The following LAMA1 variants were observed in gnomAD, a reference collection of about 807,000 sequenced individuals.
LAMA1 encodes laminin subunit alpha 1, also known as laminin subunit alpha-1.
A neutral mutation model predicts 348.7 loss-of-function variants in LAMA1; 219 were observed. The observed-to-expected ratio is 0.63, with a 90% CI of 0.56 to 0.70. The LOEUF is 0.70. Ranked by LOEUF, LAMA1 falls within the 30% of genes least tolerant of loss-of-function variation. The probability of loss-of-function intolerance (pLI) is 0.00; values close to 1 mark genes in which losing one functional copy is unlikely to be tolerated. For synonymous variants in LAMA1, 1,487 were observed against 1,491.0 expected, an observed-to-expected ratio of 1.00 and a Z score of 0.06; for missense variants, 3,744 against 3,888.0, an observed-to-expected ratio of 0.96 and a Z score of 0.99.
rs992449817 is a variant in LAMA1, at chr18:6,972,961, G to C, written c.6774+96C>G. 6 of 1,425,462 alleles carry C rather than the reference G, an allele frequency of 4.2e-6. No individual in the cohort carries two copies. The Admixed American group carries it at 1.0e-4, about 24-fold the overall frequency. 88.3% of individuals were successfully genotyped at this position (1,425,462 alleles called of 1,614,324 possible). A position where few individuals can be genotyped will look rare whatever the true frequency, so the allele number is the denominator to read the frequency against. ...CCACCTTGGCCTCCCAAAGTTCTGG[G>C]ATTACAGGCGTGAGCCACCACGCCC... On this transcript the variant is annotated intron_variant, in intron 47 of 62. Coordinates refer to ENST00000389658, the MANE Select transcript of LAMA1 (RefSeq NM_005559.4).
chr18:6,965,339 A>G lies in LAMA1; in HGVS notation c.7144T>C (p.Tyr2382His). 6.2e-7 allele frequency: 1 copy of G among 1,614,196 alleles called. No individual in the cohort carries two copies. Among genetic ancestry groups the G allele is most frequent in the South Asian group, 1.1e-5 (1 of 91,086 alleles). The change falls in exon 50 of 63, where the codon TAT (tyrosine) becomes CAT (histidine). Residue 2382 changes from tyrosine (Y) to histidine (H), a missense_variant. Tyr to His is a moderately conservative substitution (Grantham distance 83, BLOSUM62 2). This residue lies in a region of LAMA1 where 1,983 missense variants were observed against 1,934.3 expected (regional missense o/e 1.03). Coordinates refer to ENST00000389658, the MANE Select transcript of LAMA1 (RefSeq NM_005559.4). ...GPITLLTDRR[Y>H]NNGTWYKIAF... ...ATTTTGTACCAGGTTCCATTGTTAT[A>G]ACGTCTGTCTGTCAAAAGGGTAATG...
At chr18:6,986,534 T>C (rs2057736310) in intron 36 of LAMA1, among the ~76,000 whole-genome samples, 187 bp from the exon 37 acceptor site, 1 of 140,088 alleles carries the variant, frequency 7.1e-6, no homozygotes, top group South Asian at 2.4e-4. Flanking sequence ...CAGGTTTATA[T>C]TTTATCCTTA....
At chr18:6,976,998 G>C (rs997857613) in intron 44 of LAMA1, among the ~76,000 whole-genome samples, 2 of 152,202 alleles carry the variant, frequency 1.3e-5, no homozygotes, top group East Asian at 3.8e-4. Flanking sequence ...GGACACTTGA[G>C]GTTTTGGAAA....
At chr18:7,035,548 G>A (rs563939129) in intron 13 of LAMA1, among the ~76,000 whole-genome samples, 19 of 151,828 alleles carry the variant, frequency 1.3e-4, no homozygotes, top group Non-Finnish European at 2.2e-4. Context: ...TCACCCTCCC[G>A]AGTACCTGGG....
At chr18:7,006,010 G>A (rs1251014865) in intron 29 of LAMA1, among the ~76,000 whole-genome samples, 4 of 152,154 alleles carry the variant, frequency 2.6e-5, no homozygotes, top group Non-Finnish European at 4.4e-5. Flanking sequence ...GGCTTCGGGT[G>A]TGTCCTTGGT....
At position 6,949,229 on chromosome 18, in the gene LAMA1, A is replaced by G; in HGVS notation, c.8428T>C (p.Phe2810Leu). Residue 2810 changes from phenylalanine to leucine, a missense_variant, in exon 59 of 63, where the codon TTC becomes CTC. Physicochemically the swap from Phe to Leu is conservative, Grantham distance 22. Coordinates refer to ENST00000389658, the MANE Select transcript of LAMA1 (RefSeq NM_005559.4). ...VKTDYVKRKGFITVDGRESPM... is the reference protein window; with the variant it reads ...VKTDYVKRKGLITVDGRESPM... ...GACTCTCGGCCGTCGACAGTTATGA[A>G]GCCTTTTCTTTTAACATAGTCTGTC... is the stretch of plus-strand genomic sequence containing the variant. 2 of 1,614,228 alleles carry G rather than the reference A, an allele frequency of 1.2e-6. No individual in the cohort carries two copies. Among genetic ancestry groups the G allele is most frequent in the Non-Finnish European group, 1.7e-6 (2 of 1,180,044 alleles).
intron 5 of LAMA1, among the ~76,000 whole-genome samples, chr18:7,047,403 TA>T (rs1461098832): frequency 2.0e-5 from 3 of 152,130 alleles, no homozygotes; most frequent in Non-Finnish European, 4.4e-5. Flanking sequence ...AAATAAACAA[TA>T]AAACTCTGCC....
chr18:7,046,319 AG>A lies in LAMA1; in HGVS notation c.816del (p.Tyr273MetfsTer77). 6.2e-7 allele frequency: 1 copy of A among 1,612,266 alleles called. No individual in the cohort carries two copies. The highest frequency in any genetic ancestry group is 8.5e-7 in the Non-Finnish European group (1 of 1,178,666). On this transcript the variant is annotated frameshift_variant, in exon 6 of 63. Coordinates refer to ENST00000389658, the MANE Select transcript of LAMA1 (RefSeq NM_005559.4). LOFTEE classifies it high-confidence loss of function. ...KDISVGGMCI[C>X]YGHASSCPWD... ...CATGGGCAGCTACTAGCATGGCCAT[AG>A]CAGATACACATGCCTCCAACAGAAA...
intron 51 of LAMA1, among the ~76,000 whole-genome samples, chr18:6,963,725 C>T (rs539039251): frequency 6.6e-6 from 1 of 152,348 alleles, no homozygotes; most frequent in African/African-American, 2.4e-5. Flanking sequence ...AGCTGTCTTA[C>T]CTTGACTATT....
intron 19 of LAMA1, among the ~76,000 whole-genome samples, chr18:7,019,569 C>T (rs528327586): frequency 5.9e-5 from 9 of 151,694 alleles, no homozygotes; most frequent in African/African-American, 2.2e-4. Context: ...ATAATGTTCT[C>T]TATTTTCGGT....
intron 3 of LAMA1, among the ~76,000 whole-genome samples, chr18:7,055,179 G>A (rs897989649): frequency 5.3e-5 from 8 of 151,626 alleles, no homozygotes; most frequent in African/African-American, 9.7e-5. Flanking sequence ...GGCCAGGAGC[G>A]GTGGCTCATG....
rs1194838307 is a variant in LAMA1 at position 7,099,082 on chromosome 18, A to G, written c.61+18578T>C. ...CGGATGGTTGCCGTGTCTGTGTAGA[A>G]AGAAGTAGACATGGGAGACTTTTCA... On this transcript the variant is annotated intron_variant, in intron 1 of 62. Transcript: ENST00000389658. Among the ~76,000 whole-genome samples the G allele has an allele frequency of 2.4e-3, 372 of 151,928 alleles. 7 individuals carry two copies. The East Asian group carries it at 0.063, about 26-fold the overall frequency.
At chr18:6,986,847 C>T (rs550632052) in intron 36 of LAMA1, among the ~76,000 whole-genome samples, 1 of 152,294 alleles carries the variant, frequency 6.6e-6, no homozygotes, top group African/African-American at 2.4e-5. Context: ...GCAACCTCCA[C>T]CTCCCATGTT....
chr18:6,952,159 T>G (rs540109141), intron 57 of LAMA1, among the ~76,000 whole-genome samples: 1 of 151,700 alleles, frequency 6.6e-6, no homozygotes, highest in African/African-American at 2.4e-5. Flanking sequence ...GGAGAGCGTG[T>G]GGAAGGGCCC....
At chr18:7,036,132 C>T in intron 12 of LAMA1, 44 bp from the exon 13 acceptor site, 1 of 1,359,356 alleles carries the variant, frequency 7.4e-7, no homozygotes, top group Non-Finnish European at 1.1e-6. Flanking sequence ...GGAAGACAAT[C>T]ACAGCAACAA....
chr18:7,008,254 GAC>G (rs1214179980), intron 28 of LAMA1, among the ~76,000 whole-genome samples: 1 of 152,120 alleles, frequency 6.6e-6, no homozygotes, highest in African/African-American at 2.4e-5. Flanking sequence ...TGATAGTGGT[GAC>G]AGTTGTACAA....
chr18:7,094,366 G>A (rs768567952), intron 1 of LAMA1, among the ~76,000 whole-genome samples: 1 of 148,240 alleles, frequency 6.7e-6, no homozygotes, highest in South Asian at 2.2e-4. Flanking sequence ...GGAGGTTGCA[G>A]TGAGCCTAGA....
At chr18:6,975,548 G>A (rs945884798) in intron 45 of LAMA1, among the ~76,000 whole-genome samples, 3 of 152,292 alleles carry the variant, frequency 2.0e-5, no homozygotes, top group African/African-American at 7.2e-5. Flanking sequence ...TGTTCTCACT[G>A]GCACAGCCAA....
intron 46 of LAMA1, among the ~76,000 whole-genome samples, chr18:6,974,345 G>A (rs1260406287): frequency 1.3e-5 from 2 of 152,040 alleles, no homozygotes; most frequent in African/African-American, 4.8e-5. Flanking sequence ...AACCATCAAT[G>A]TGTGAATGGA....
Sources: allele counts gnomAD v4.1 joint callset (sites outside exome capture counted in the v4.1 genomes callset), GRCh38; gene constraint gnomAD v4.1.1; regional missense constraint gnomAD v4.1.1; transcripts MANE v1.5; gene names NCBI Gene and HGNC (gene_info 2026-07-23, HGNC 2026-07-21).